PKHD1L1: variants seen among roughly 807,000 people sequenced by gnomAD.
PKHD1L1 encodes PKHD1 like 1.
A neutral mutation model predicts 462.9 loss-of-function variants in PKHD1L1; 434 were observed. The observed-to-expected ratio is 0.94, with a 90% CI of 0.87 to 1.02. PKHD1L1 has a LOEUF of 1.02. Among genes scored for constraint, PKHD1L1 ranks in the 50% least tolerant of loss-of-function variants. The probability of loss-of-function intolerance (pLI) is 0.00; values close to 1 mark genes in which losing one functional copy is unlikely to be tolerated. For missense variants in PKHD1L1, 5,202 were observed against 5,096.1 expected (o/e 1.02, Z -0.63); for synonymous variants, 1,781 against 1,750.0 (o/e 1.02, Z -0.44).
At chr8:109,423,963 A>C (rs1814608107) in intron 23 of PKHD1L1, among the ~76,000 whole-genome samples, 1 of 152,182 alleles carries the variant, frequency 6.6e-6, no homozygotes, top group Admixed American at 6.5e-5. Context: ...TTATTTGTAT[A>C]TAGAAATGTA....
intron 1 of PKHD1L1, among the ~76,000 whole-genome samples, chr8:109,364,046 T>A (rs866448220): frequency 5.3e-5 from 8 of 152,336 alleles, no homozygotes; most frequent in South Asian, 4.1e-4. Flanking sequence ...GAAATTATCT[T>A]TCCTGAAGCC....
Position 109,461,755 on chromosome 8 carries a change from TAA to T in PKHD1L1, c.7247-13_7247-12del. ...TCCGACAATTTTTTTAATGATGCTT[TAA>T]AAACTGTTTTGAAGGAGAATTTGCT... On this transcript the variant is annotated splice_polypyrimidine_tract_variant and intron_variant, in intron 47 of 77. Coordinates refer to ENST00000378402, the MANE Select transcript of PKHD1L1 (RefSeq NM_177531.6). 6.3e-7 allele frequency: 1 copy of T among 1,598,514 alleles called. No homozygotes were observed. Among genetic ancestry groups the T allele is most frequent in the Admixed American group, 1.7e-5 (1 of 57,416 alleles).
chr8:109,447,079 C>T (rs1816186559), intron 38 of PKHD1L1, among the ~76,000 whole-genome samples: 1 of 152,012 alleles, frequency 6.6e-6, no homozygotes, highest in South Asian at 2.1e-4. Flanking sequence ...AAAAATTAGC[C>T]AGGCATGGCG....
chr8:109,507,849 C>G lies in PKHD1L1; in HGVS notation c.11181C>G (p.Phe3727Leu). The G allele has an allele frequency of 6.2e-7, 1 of 1,613,558 alleles. No homozygotes were observed. The highest frequency in any genetic ancestry group is 2.2e-5 in the East Asian group (1 of 44,842). Residue 3727 changes from phenylalanine (F) to leucine (L), a missense_variant, in exon 69 of 78, where the codon TTC becomes TTG. Phe to Leu is a conservative substitution (Grantham distance 22). This residue lies in a region of PKHD1L1 where 698 missense variants were observed against 736.3 expected (regional missense o/e 0.95). Transcript: ENST00000378402. ...DYRIPKAMLT[F>L]LNGSRIPVTE... The stretch of plus-strand genomic sequence containing the variant: ...GAATTCCTAAGGCGATGCTCACATT[C>G]TTGAATGGAAGTAGAATTCCTGTCA...
At chr8:109,479,891 TA>T in intron 54 of PKHD1L1, 99 bp from the exon 55 acceptor site, 1 of 1,185,310 alleles carries the variant, frequency 8.4e-7, no homozygotes, top group Non-Finnish European at 1.2e-6. Context: ...AGACATGTCA[TA>T]AACACTCAAA....
At position 109,444,834 on chromosome 8, in the gene PKHD1L1, T is replaced by C; in HGVS notation, c.4965T>C (p.Phe1655=). The C allele has an allele frequency of 6.2e-7, 1 of 1,614,052 alleles. No individual in the cohort carries two copies. The highest frequency in any genetic ancestry group is 8.5e-7 in the Non-Finnish European group (1 of 1,179,884). The change falls in exon 38 of 78, where the codon TTT becomes TTC. Residue 1655 remains phenylalanine (F), a synonymous_variant. Coordinates refer to ENST00000378402, the MANE Select transcript of PKHD1L1 (RefSeq NM_177531.6). The part of the protein sequence containing the change: ...NTLSNEFDRR[F]VLLPNIDLVL... ...TGTCCAATGAATTTGATAGGCGATT[T>C]GTACTTTTGCCAAACATTGACCTGG...
chr8:109,450,598 C>A (rs550679590), intron 40 of PKHD1L1, among the ~76,000 whole-genome samples: 2 of 152,144 alleles, frequency 1.3e-5, no homozygotes, highest in African/African-American at 4.8e-5. Context: ...TTGTCTCTGA[C>A]CTTGCCTTCA....
chr8:109,486,365 T>G (rs747350927), intron 58 of PKHD1L1, among the ~76,000 whole-genome samples: 7 of 152,032 alleles, frequency 4.6e-5, no homozygotes, highest in Admixed American at 6.6e-5. Context: ...GAAGTGATTA[T>G]ATACTACCTT....
chr8:109,533,398 T>C lies in PKHD1L1; in HGVS notation c.*3308T>C, dbSNP rs1323808586. On this transcript the variant is annotated 3_prime_UTR_variant, in exon 78 of 78. Coordinates refer to ENST00000378402, the MANE Select transcript of PKHD1L1 (RefSeq NM_177531.6). The stretch of plus-strand genomic sequence containing the variant: ...ATGTGGCCTATATCATGTCAATCCC[T>C]GGCCCAGTAAACCATTAGGCTTCTT... Among the ~76,000 whole-genome samples, 3 of 152,262 alleles carry C rather than the reference T, an allele frequency of 2.0e-5. No individual in the cohort carries two copies. Among genetic ancestry groups the C allele is most frequent in the East Asian group, 1.9e-4 (1 of 5,204 alleles).
chr8:109,388,034 T>C (rs527319978), intron 6 of PKHD1L1, among the ~76,000 whole-genome samples: 4 of 152,340 alleles, frequency 2.6e-5, no homozygotes, highest in East Asian at 1.9e-4. Flanking sequence ...CTGATGCTGT[T>C]AGACATCCTC....
Position 109,362,670 on chromosome 8 carries a change from G to T in PKHD1L1, c.73+17G>T. On this transcript the variant is annotated intron_variant, in intron 1 of 77. Transcript: ENST00000378402. ...CCAGCACAGGTAACCCTTTGGGCAC[G>T]CTAGGCAGGCAAGCAGGAGAGGCCC... The T allele has an allele frequency of 6.3e-7, 1 of 1,584,788 alleles. No individual in the cohort carries two copies. The highest frequency in any genetic ancestry group is 8.6e-7 in the Non-Finnish European group (1 of 1,164,966).
rs772741315 is a variant in PKHD1L1, at chr8:109,459,620, A to T, written c.7030A>T (p.Met2344Leu). 6.4e-7 allele frequency: 1 copy of T among 1,573,092 alleles called. No homozygotes were observed. Among genetic ancestry groups the T allele is most frequent in the Non-Finnish European group, 8.6e-7 (1 of 1,158,290 alleles). ...HRHSQGENEKMTIASVSADGI... is the reference protein window; with the variant it reads ...HRHSQGENEKLTIASVSADGI... ...ACACAGTCAAGGAGAGAATGAAAAA[A>T]TGACCATTGCATCTGTGTCTGCTGA... The change falls in exon 47 of 78, where the codon ATG becomes TTG. Residue 2344 changes from methionine (M) to leucine (L), a missense_variant. Around this residue, in one of 3 missense-constraint regions of PKHD1L1, gnomAD observed 4,497 missense variants for 4,336.8 expected, o/e 1.04. Transcript: ENST00000378402.
intron 73 of PKHD1L1, among the ~76,000 whole-genome samples, chr8:109,521,611 G>T (rs1052261623): frequency 6.6e-6 from 1 of 151,990 alleles, no homozygotes; most frequent in African/African-American, 2.4e-5. Flanking sequence ...CACTGTGGGG[G>T]CAGAAGGTTT....
chr8:109,440,657 C>G (rs1815726120), intron 32 of PKHD1L1, 53 bp from the exon 33 acceptor site: 3 of 1,524,502 alleles, frequency 2.0e-6, no homozygotes, highest in Admixed American at 3.5e-5. Context: ...AAGAGTTTAG[C>G]AAGATAAATC....
chr8:109,435,818 T>A (rs1488764940), intron 29 of PKHD1L1, among the ~76,000 whole-genome samples: 2 of 152,208 alleles, frequency 1.3e-5, no homozygotes, highest in Non-Finnish European at 2.9e-5. Flanking sequence ...ATTTGTTTGT[T>A]TTTTTTACCA....
At chr8:109,366,071 A>T (rs937023610) in intron 2 of PKHD1L1, among the ~76,000 whole-genome samples, 3 of 152,238 alleles carry the variant, frequency 2.0e-5, no homozygotes, top group Non-Finnish European at 4.4e-5. Flanking sequence ...GTTTAAGCAC[A>T]TAGACCCAGA....
At chr8:109,383,665 C>G (rs1812288071) in intron 4 of PKHD1L1, among the ~76,000 whole-genome samples, 1 of 151,550 alleles carries the variant, frequency 6.6e-6, no homozygotes, top group South Asian at 2.1e-4. Context: ...ATATCTCTGG[C>G]TTTCTTCTGT....
chr8:109,469,642 A>AT (rs1340555483), intron 50 of PKHD1L1, among the ~76,000 whole-genome samples: 1 of 152,018 alleles, frequency 6.6e-6, no homozygotes, highest in African/African-American at 2.4e-5. Flanking sequence ...ATTTTAAAAC[A>AT]TTTTTTCTAG....
At chr8:109,385,186 T>C (rs1184514177) in intron 5 of PKHD1L1, among the ~76,000 whole-genome samples, 1 of 151,522 alleles carries the variant, frequency 6.6e-6, no homozygotes, top group Non-Finnish European at 1.5e-5. Flanking sequence ...ATTGTTATGG[T>C]TTTATTTTTT....
Sources: allele counts gnomAD v4.1 joint callset (sites outside exome capture counted in the v4.1 genomes callset), GRCh38; gene constraint gnomAD v4.1.1; regional missense constraint gnomAD v4.1.1; transcripts MANE v1.5; gene names NCBI Gene and HGNC (gene_info 2026-07-23, HGNC 2026-07-21).